Variants in LMCD1 observed in about 807,000 individuals in gnomAD.
LMCD1 encodes the protein LIM and cysteine-rich domains protein 1.
In LMCD1, 32 loss-of-function variants were observed where a neutral mutation model predicts 42.7. The ratio of observed to expected loss-of-function variants is 0.75; its 90% CI spans 0.57 to 1.01. The LOEUF is 1.01. LMCD1 is among the 50% of genes least tolerant of loss of function. The pLI is 0.00. For missense variants in LMCD1, 458 were observed against 483.1 expected (o/e 0.95, Z 0.49); for synonymous variants, 178 against 184.9 (o/e 0.96, Z 0.30).
At chr3:8,564,621 AAAG>A (rs1695095792) in intron 4 of LMCD1, among the ~76,000 whole-genome samples, 1 of 152,210 alleles carries the variant, frequency 6.6e-6, no homozygotes, top group South Asian at 2.1e-4. Flanking sequence ...GCACGGGTAA[AAAG>A]ATCCATTCAA....
At position 8,561,988 on chromosome 3, in the gene LMCD1, T is replaced by G. The variant is rs144904798; in HGVS notation, c.724-3444T>G. On this transcript the variant is annotated intron_variant, in intron 4 of 5. Transcript: ENST00000157600. ...GAATAGGCAAGTTATAAATGTGCGA[T>G]GGATGGATACCTGAATGAACCAGTG... Among the ~76,000 whole-genome samples, 653 of 152,336 alleles carry G rather than the reference T, an allele frequency of 4.3e-3. 4 individuals carry two copies. The highest frequency in any genetic ancestry group is 7.2e-3 in the Non-Finnish European group (487 of 68,036).
intron 1 of LMCD1, among the ~76,000 whole-genome samples, chr3:8,506,866 A>T (rs1207294101): frequency 6.6e-6 from 1 of 152,240 alleles, no homozygotes; most frequent in Non-Finnish European, 1.5e-5. Context: ...TTCTGCCTCC[A>T]GCCCACTGAC....
chr3:8,554,626 G>A (rs1443269418), intron 4 of LMCD1, among the ~76,000 whole-genome samples: 1 of 152,124 alleles, frequency 6.6e-6, no homozygotes, highest in East Asian at 1.9e-4. Flanking sequence ...TTCACACCAG[G>A]CTGGTGGGAG....
rs1182044953 is a variant in LMCD1, at chr3:8,501,847, C to A, written c.-92C>A. 4.3e-6 allele frequency: 5 copies of A among 1,174,368 alleles called. No homozygotes were observed. The highest frequency in any genetic ancestry group is 6.1e-6 in the Non-Finnish European group (5 of 821,704). The allele number at this position is 1,174,368 out of a possible 1,614,324, so 72.7% of individuals were successfully genotyped here. A position where few individuals can be genotyped will look rare whatever the true frequency, so the allele number is the denominator to read the frequency against. On this transcript the variant is annotated 5_prime_UTR_variant, in exon 1 of 6. Transcript: ENST00000157600. ...CGCACAGAGCTCCCTCCCAGGCCCG[C>A]GAACTTGGCCATTCAGCCGCCGCTG...
intron 4 of LMCD1, among the ~76,000 whole-genome samples, chr3:8,561,116 T>C (rs1477181156): frequency 6.6e-6 from 1 of 152,246 alleles, no homozygotes; most frequent in Non-Finnish European, 1.5e-5. Flanking sequence ...CAAACTCTTA[T>C]GTGCTTCCCT....
intron 1 of LMCD1, among the ~76,000 whole-genome samples, chr3:8,514,294 AAAAC>A (rs1219872279): frequency 6.6e-6 from 1 of 152,202 alleles, no homozygotes; most frequent in Non-Finnish European, 1.5e-5. Context: ...TCATTACAGA[AAAAC>A]AAACGCACAA....
chr3:8,517,641 G>A (rs1694123573), intron 1 of LMCD1, among the ~76,000 whole-genome samples: 1 of 152,236 alleles, frequency 6.6e-6, no homozygotes, highest in South Asian at 2.1e-4. Flanking sequence ...ATATCAAGGA[G>A]GAAGTCTCCT....
At chr3:8,545,254 G>T (rs1694712974) in intron 3 of LMCD1, among the ~76,000 whole-genome samples, 2 of 151,966 alleles carry the variant, frequency 1.3e-5, no homozygotes, top group Admixed American at 1.3e-4. Context: ...TTGCCCAGGA[G>T]GTAAATGAAA....
At chr3:8,558,240 T>TA (rs1438571902) in intron 4 of LMCD1, among the ~76,000 whole-genome samples, 3 of 152,238 alleles carry the variant, frequency 2.0e-5, no homozygotes, top group African/African-American at 7.2e-5. Flanking sequence ...CAACATGACT[T>TA]AAACACCCAT....
chr3:8,515,932 T>C (rs991772256), intron 1 of LMCD1, among the ~76,000 whole-genome samples: 1 of 152,018 alleles, frequency 6.6e-6, no homozygotes, highest in Non-Finnish European at 1.5e-5. Flanking sequence ...GGGAGGAGAC[T>C]TCGTGGTAGC....
chr3:8,510,527 A>G (rs1693975480), intron 1 of LMCD1, among the ~76,000 whole-genome samples: 1 of 152,244 alleles, frequency 6.6e-6, no homozygotes, highest in South Asian at 2.1e-4. Context: ...TCCCTAACCT[A>G]TAACTGAAAT....
At chr3:8,521,708 C>T (rs1337952582) in intron 1 of LMCD1, among the ~76,000 whole-genome samples, 1 of 152,168 alleles carries the variant, frequency 6.6e-6, no homozygotes, top group Non-Finnish European at 1.5e-5. Context: ...GAAAAAGGGG[C>T]AGATAGTCTC....
chr3:8,564,334 A>AG (rs1272197444), intron 4 of LMCD1, among the ~76,000 whole-genome samples: 1 of 152,116 alleles, frequency 6.6e-6, no homozygotes, highest in African/African-American at 2.4e-5. Context: ...GCACGATCAT[A>AG]GCTCACTGCA....
At chr3:8,508,516 T>G (rs1693928579) in intron 1 of LMCD1, among the ~76,000 whole-genome samples, 1 of 152,182 alleles carries the variant, frequency 6.6e-6, no homozygotes, top group Non-Finnish European at 1.5e-5. Context: ...TATTGAATCC[T>G]TTGTAAAATT....
intron 1 of LMCD1, among the ~76,000 whole-genome samples, chr3:8,507,792 A>G (rs1046641286): frequency 6.6e-6 from 1 of 152,132 alleles, no homozygotes; most frequent in African/African-American, 2.4e-5. Flanking sequence ...GGCCTCTCTG[A>G]CTCCAAAACT....
chr3:8,546,211 GGAA>G (rs1423421134), intron 3 of LMCD1, among the ~76,000 whole-genome samples: 11 of 152,162 alleles, frequency 7.2e-5, no homozygotes, highest in African/African-American at 1.4e-4. Flanking sequence ...TGGCTCCTCT[GGAA>G]GAAGAATTGT....
In LMCD1 at chr3:8,573,111, A is replaced by G. The variant is rs1015187489; in HGVS notation, c.*5513A>G. On this transcript the variant is annotated 3_prime_UTR_variant, in exon 6 of 6. Coordinates refer to ENST00000157600, the MANE Select transcript of LMCD1 (RefSeq NM_014583.4). ...GTGGTACATTTCCTCATTTTGAGAT[A>G]TTTCTTCAACATATAGCTTTTCATT... The G allele has an allele frequency of 4.6e-5, 7 of 152,170 alleles. No individual in the cohort carries two copies. Among genetic ancestry groups the G allele is most frequent in the African/African-American group, 1.7e-4 (7 of 41,422 alleles). 9.4% of individuals were successfully genotyped at this position (152,170 alleles called of 1,614,324 possible). A position where few individuals can be genotyped will look rare whatever the true frequency, so the allele number is the denominator to read the frequency against.
chr3:8,508,196 C>A (rs1693920346), intron 1 of LMCD1, among the ~76,000 whole-genome samples: 1 of 152,156 alleles, frequency 6.6e-6, no homozygotes, highest in South Asian at 2.1e-4. Context: ...GAGACCTTGT[C>A]CCAGAGCTTT....
rs1374133150 is a variant in LMCD1, at chr3:8,548,554, C to T, written c.388-14C>T. ...ATCCACATCATGTTGTCTCTTCCTC[C>T]TCCTCCTCCCTAGGGACTGCAGTAC... is the stretch of plus-strand genomic sequence containing the variant. On this transcript the variant is annotated splice_polypyrimidine_tract_variant and intron_variant, in intron 3 of 5. Transcript: ENST00000157600. 2 of 1,569,314 alleles carry T rather than the reference C, an allele frequency of 1.3e-6. No individual in the cohort carries two copies. The highest frequency in any genetic ancestry group is 1.8e-5 in the Admixed American group (1 of 56,536).
Sources: gnomAD v4.1 joint callset for allele counts (sites outside exome capture counted in the v4.1 genomes callset) on GRCh38, gnomAD v4.1.1 for gene constraint, MANE v1.5 for transcripts, NCBI Gene and HGNC (gene_info 2026-07-23, HGNC 2026-07-21) for gene names.